Variants in THSD7B observed in about 807,000 individuals in gnomAD.
The protein encoded by THSD7B is thrombospondin type-1 domain-containing protein 7B.
THSD7B carries 138 observed loss-of-function variants against 213.6 expected under a neutral mutation model. The observed-to-expected ratio is 0.65, with a 90% CI of 0.56 to 0.74. The LOEUF (loss-of-function observed/expected upper bound fraction) is 0.74, where lower values mean the gene tolerates loss of function less well. Among genes scored for constraint, THSD7B ranks in the 30% least tolerant of loss-of-function variants. THSD7B has a pLI of 0.00. For missense variants in THSD7B, 1,931 were observed against 1,991.5 expected (o/e 0.97, Z 0.58); for synonymous variants, 742 against 687.0 (o/e 1.08, Z -1.25).
chr2:137,296,098 C>A (rs2104839690), intron 12 of THSD7B, among the ~76,000 whole-genome samples: 1 of 151,716 alleles, frequency 6.6e-6, no homozygotes, highest in East Asian at 1.9e-4. Context: ...GGAAAACAAT[C>A]CATTTGTGTT....
chr2:136,875,212 A>C (rs1288561357), intron 1 of THSD7B, among the ~76,000 whole-genome samples: 1 of 152,188 alleles, frequency 6.6e-6, no homozygotes, highest in Non-Finnish European at 1.5e-5. Context: ...ACCTGAGGCC[A>C]GGAGTTTGAG....
intron 15 of THSD7B, among the ~76,000 whole-genome samples, chr2:137,505,920 G>C (rs1367278118): frequency 2.0e-5 from 3 of 152,198 alleles, no homozygotes; most frequent in Non-Finnish European, 4.4e-5. Context: ...ATAATAACTG[G>C]CATAGTGGCC....
chr2:136,844,488 G>GAGAGAGAGAGAGAGAGAGAGAC (rs1174171820), intron 1 of THSD7B, among the ~76,000 whole-genome samples: 3 of 149,466 alleles, frequency 2.0e-5, no homozygotes, highest in East Asian at 1.9e-4. Context: ...GAGAGAGAGA[G>GAGAGAGAGAGAGAGAGAGAGAC]AGAGAGACAG....
intron 1 of THSD7B, among the ~76,000 whole-genome samples, chr2:136,791,472 G>A (rs189451015): frequency 9.2e-5 from 14 of 151,808 alleles, no homozygotes; most frequent in Non-Finnish European, 2.1e-4. Flanking sequence ...TAAATTTTAA[G>A]CTATTTTCAT....
At chr2:137,042,126 T>C (rs1686894977) in intron 2 of THSD7B, among the ~76,000 whole-genome samples, 1 of 152,212 alleles carries the variant, frequency 6.6e-6, no homozygotes, top group African/African-American at 2.4e-5. Flanking sequence ...ACCTTCACAT[T>C]TATTCCTTGT....
At chr2:137,278,473 T>A (rs528958585) in intron 12 of THSD7B, among the ~76,000 whole-genome samples, 9 of 152,152 alleles carry the variant, frequency 5.9e-5, no homozygotes, top group Non-Finnish European at 1.2e-4. Context: ...CATGAAATGT[T>A]TGTAGAAAAC....
intron 14 of THSD7B, among the ~76,000 whole-genome samples, chr2:137,418,160 C>T (rs1323885275): frequency 6.6e-6 from 1 of 152,168 alleles, no homozygotes; most frequent in African/African-American, 2.4e-5. Flanking sequence ...AGCTGTTTCT[C>T]TCTTCTATCC....
At chr2:137,078,842 G>A (rs1460024587) in intron 3 of THSD7B, among the ~76,000 whole-genome samples, 1 of 151,650 alleles carries the variant, frequency 6.6e-6, no homozygotes, top group African/African-American at 2.4e-5. Context: ...TTTCTTGTTT[G>A]TATTGCTCCT....
At chr2:137,473,687 G>A (rs750402890) in intron 15 of THSD7B, among the ~76,000 whole-genome samples, 84 of 152,298 alleles carry the variant, frequency 5.5e-4, no homozygotes, top group Non-Finnish European at 1.2e-3. Context: ...ACAGTTCTGT[G>A]CCACTCTTCA....
intron 12 of THSD7B, among the ~76,000 whole-genome samples, chr2:137,340,268 T>G (rs1684731452): frequency 6.6e-6 from 1 of 151,866 alleles, no homozygotes; most frequent in South Asian, 2.1e-4. Flanking sequence ...AAATATATCT[T>G]AAAACTCAGG....
At chr2:137,280,848 TC>T (rs1682990924) in intron 12 of THSD7B, among the ~76,000 whole-genome samples, 1 of 152,132 alleles carries the variant, frequency 6.6e-6, no homozygotes, top group Non-Finnish European at 1.5e-5. Context: ...CGAGATGCTG[TC>T]GTTTCTGTAA....
intron 2 of THSD7B, among the ~76,000 whole-genome samples, chr2:136,917,871 T>C (rs973094428): frequency 6.6e-6 from 1 of 152,222 alleles, no homozygotes; most frequent in African/African-American, 2.4e-5. Flanking sequence ...GTCTCAAGTA[T>C]AGTATCCAAA....
At chr2:136,981,468 T>C (rs1333400195) in intron 2 of THSD7B, among the ~76,000 whole-genome samples, 6 of 152,254 alleles carry the variant, frequency 3.9e-5, no homozygotes, top group Non-Finnish European at 8.8e-5. Context: ...ATTTTGCTCA[T>C]CATTAACCCT....
At position 136,893,945 on chromosome 2, in the gene THSD7B, G is replaced by A. The variant is rs114820153; in HGVS notation, c.139+11628G>A. Among the ~76,000 whole-genome samples, 1,155 of 152,140 alleles carry A rather than the reference G, an allele frequency of 7.6e-3. 15 individuals are homozygous for A. The highest frequency in any genetic ancestry group is 0.026 in the African/African-American group (1,083 of 41,520). On this transcript the variant is annotated intron_variant, in intron 2 of 27. Transcript: ENST00000409968. ...TACAAATTAACCATCTCAGGCTTTT[G>A]TTTCCTTTCTTTTTAGAGTTACTAT...
intron 5 of THSD7B, among the ~76,000 whole-genome samples, chr2:137,138,493 G>A (rs1573847169): frequency 6.6e-6 from 1 of 152,116 alleles, no homozygotes; most frequent in East Asian, 1.9e-4. Context: ...TAATGATGCT[G>A]AGATATTCTG....
At chr2:137,625,227 A>C (rs565653134) in intron 20 of THSD7B, among the ~76,000 whole-genome samples, 53 of 151,624 alleles carry the variant, frequency 3.5e-4, no homozygotes, top group African/African-American at 1.1e-3. Flanking sequence ...TCACAAGGTC[A>C]GAAAACCAAA....
intron 7 of THSD7B, among the ~76,000 whole-genome samples, chr2:137,178,845 C>T (rs2105003285): frequency 6.6e-6 from 1 of 152,318 alleles, no homozygotes; most frequent in Non-Finnish European, 1.5e-5. Flanking sequence ...TGCAAGATAG[C>T]TTTTGTCTTT....
At chr2:137,330,636 C>G (rs1684480889) in intron 12 of THSD7B, among the ~76,000 whole-genome samples, 1 of 151,980 alleles carries the variant, frequency 6.6e-6, no homozygotes, top group Non-Finnish European at 1.5e-5. Context: ...GTTCATTCCC[C>G]CCGGTGAGCT....
chr2:137,073,114 C>T (rs900942429), intron 3 of THSD7B, among the ~76,000 whole-genome samples: 15 of 152,096 alleles, frequency 9.9e-5, no homozygotes, highest in African/African-American at 3.1e-4. Context: ...TGATGCTGGC[C>T]TCATAAAATG....
Sources: gnomAD v4.1 joint callset for allele counts (sites outside exome capture counted in the v4.1 genomes callset) on GRCh38, gnomAD v4.1.1 for gene constraint, MANE v1.5 for transcripts, NCBI Gene and HGNC (gene_info 2026-07-23, HGNC 2026-07-21) for gene names.